The following CDC42BPA variants were observed in gnomAD, a reference collection of about 807,000 sequenced individuals.
CDC42BPA encodes CDC42 binding protein kinase alpha.
CDC42BPA carries 80 observed loss-of-function variants against 223.5 expected under a neutral mutation model. That is an observed-to-expected ratio of 0.36 (90% CI 0.30 to 0.43). The LOEUF is 0.43. Ranked by LOEUF, CDC42BPA falls within the 20% of genes least tolerant of loss-of-function variation. The probability of loss-of-function intolerance (pLI) is 1.00; values close to 1 mark genes in which losing one functional copy is unlikely to be tolerated. For missense variants in CDC42BPA, 1,743 were observed against 2,099.9 expected (o/e 0.83, Z 3.32); for synonymous variants, 694 against 718.6 (o/e 0.97, Z 0.55).
At chr1:227,307,275 C>T (rs4500280) in intron 1 of CDC42BPA, among the ~76,000 whole-genome samples, 14,830 of 152,112 alleles carry the variant, frequency 0.097, 1,167 homozygotes, top group East Asian at 0.36. Flanking sequence ...AACAGATACG[C>T]TAAAAAATAT....
intron 2 of CDC42BPA, among the ~76,000 whole-genome samples, chr1:227,229,285 G>C (rs1677404815): frequency 6.6e-6 from 1 of 151,936 alleles, no homozygotes; most frequent in Admixed American, 6.6e-5. Flanking sequence ...TTACCTCCTT[G>C]GTTTCAGCAC....
chr1:227,272,968 G>A (rs1386973181), intron 1 of CDC42BPA, among the ~76,000 whole-genome samples: 1 of 152,164 alleles, frequency 6.6e-6, no homozygotes, highest in Non-Finnish European at 1.5e-5. Flanking sequence ...GTATTGGCAA[G>A]ATAAGTATTT....
intron 5 of CDC42BPA, among the ~76,000 whole-genome samples, chr1:227,184,301 A>G (rs186228432): frequency 9.2e-5 from 14 of 152,072 alleles, no homozygotes; most frequent in Admixed American, 6.5e-4. Context: ...TTCTTCCAAC[A>G]GTTTTATAGT....
At chr1:227,019,068 A>G (rs1666874815) in intron 32 of CDC42BPA, among the ~76,000 whole-genome samples, 1 of 152,224 alleles carries the variant, frequency 6.6e-6, no homozygotes, top group East Asian at 1.9e-4. Context: ...TCTCCATAGC[A>G]TAATGATGCT....
chr1:227,172,681 G>A (rs1014197140), intron 5 of CDC42BPA, among the ~76,000 whole-genome samples: 6 of 151,882 alleles, frequency 4.0e-5, no homozygotes, highest in African/African-American at 1.5e-4. Context: ...GGGGGAAACT[G>A]GGCGAAAGGT....
intron 32 of CDC42BPA, among the ~76,000 whole-genome samples, chr1:227,020,366 C>G (rs951716451): frequency 6.6e-6 from 1 of 152,244 alleles, no homozygotes; most frequent in East Asian, 1.9e-4. Context: ...CTTCTTCCTA[C>G]AGAAGTCTGT....
chr1:227,206,984 GGTTT>G (rs1455806367), intron 3 of CDC42BPA, among the ~76,000 whole-genome samples: 1 of 151,620 alleles, frequency 6.6e-6, no homozygotes, highest in South Asian at 2.1e-4. Context: ...ACAATGTGCA[GGTTT>G]GTTACACATG....
chr1:227,055,496 T>G (rs1279994299), intron 21 of CDC42BPA, among the ~76,000 whole-genome samples: 1 of 152,152 alleles, frequency 6.6e-6, no homozygotes, highest in African/African-American at 2.4e-5. Context: ...CAGCCTATGA[T>G]TCAGTTTAAT....
At position 226,991,324 on chromosome 1, in the gene CDC42BPA, T is replaced by A. The variant is rs1176556878; in HGVS notation, c.*2944A>T. ...AACTTCAGATAGTAATAAAATACTT[T>A]ATCTGTGAGCTGTGCTACTGACTCC... On this transcript the variant is annotated 3_prime_UTR_variant, in exon 37 of 37. Transcript: ENST00000366766. The A allele has an allele frequency of 6.6e-6, 1 of 152,296 alleles. No individual in the cohort carries two copies. The highest frequency in any genetic ancestry group is 2.4e-5 in the African/African-American group (1 of 41,472). 9.4% of individuals were successfully genotyped at this position (152,296 alleles called of 1,614,324 possible). A position where few individuals can be genotyped will look rare whatever the true frequency, so the allele number is the denominator to read the frequency against.
intron 35 of CDC42BPA, among the ~76,000 whole-genome samples, chr1:227,003,099 T>C (rs1359778581): frequency 6.6e-6 from 1 of 152,098 alleles, no homozygotes; most frequent in African/African-American, 2.4e-5. Flanking sequence ...TGGGCACAAA[T>C]TGGGTGCCAA....
At chr1:227,146,847 C>A (rs545746996) in intron 7 of CDC42BPA, among the ~76,000 whole-genome samples, 1 of 152,232 alleles carries the variant, frequency 6.6e-6, no homozygotes, top group South Asian at 2.1e-4. Context: ...TAGGTGCACA[C>A]CTGTAAACTT....
chr1:227,191,187 C>T (rs1669640546), intron 5 of CDC42BPA, among the ~76,000 whole-genome samples: 2 of 151,720 alleles, frequency 1.3e-5, no homozygotes, highest in Admixed American at 1.3e-4. Flanking sequence ...CTACTAAAAG[C>T]ACAAAAAATT....
chr1:227,217,632 C>T (rs1675100948), intron 2 of CDC42BPA, among the ~76,000 whole-genome samples: 1 of 152,068 alleles, frequency 6.6e-6, no homozygotes, highest in Non-Finnish European at 1.5e-5. Flanking sequence ...TCCCATCTGT[C>T]TCCAAGTAAA....
intron 1 of CDC42BPA, among the ~76,000 whole-genome samples, chr1:227,294,886 A>AAAAAAAG (rs1690383062): frequency 2.0e-5 from 3 of 148,968 alleles, no homozygotes; most frequent in Non-Finnish European, 4.5e-5. Flanking sequence ...AAAAAAAAAA[A>AAAAAAAG]GAGGTTAATT....
chr1:227,086,767 C>A (rs1346640270), intron 16 of CDC42BPA, among the ~76,000 whole-genome samples: 2 of 151,252 alleles, frequency 1.3e-5, no homozygotes, highest in African/African-American at 2.4e-5. Flanking sequence ...CCTGGACTCA[C>A]ATAAATCCTC....
chr1:227,173,185 T>A (rs1666384839), intron 5 of CDC42BPA, among the ~76,000 whole-genome samples: 1 of 152,164 alleles, frequency 6.6e-6, no homozygotes, highest in African/African-American at 2.4e-5. Flanking sequence ...CTGCATTGGC[T>A]CCTCCAAATG....
intron 2 of CDC42BPA, among the ~76,000 whole-genome samples, chr1:227,226,820 A>G (rs1558811581): frequency 6.6e-6 from 1 of 152,220 alleles, no homozygotes; most frequent in Non-Finnish European, 1.5e-5. Context: ...AATAAACTGG[A>G]AAGTAGTAAG....
chr1:227,066,123 G>A (rs997420683), intron 21 of CDC42BPA, among the ~76,000 whole-genome samples: 1 of 152,192 alleles, frequency 6.6e-6, no homozygotes, highest in African/African-American at 2.4e-5. Context: ...GGGCGTGGTG[G>A]CTCACGCCTG....
chr1:227,138,025 GA>G (rs35332810), intron 10 of CDC42BPA, among the ~76,000 whole-genome samples: 30,397 of 151,582 alleles, frequency 0.2, 3,144 homozygotes, highest in Middle Eastern at 0.26. Context: ...ATCACCACAG[GA>G]AAAAAAAGAA....
Sources: allele counts gnomAD v4.1 joint callset (sites outside exome capture counted in the v4.1 genomes callset), GRCh38; gene constraint gnomAD v4.1.1; transcripts MANE v1.5; gene names NCBI Gene and HGNC (gene_info 2026-07-23, HGNC 2026-07-21).